Variants in CNTN6 observed in about 807,000 individuals in gnomAD.
The protein encoded by CNTN6 is contactin 6, also known as contactin-6.
CNTN6 carries 137 observed loss-of-function variants against 122.8 expected under a neutral mutation model. The ratio of observed to expected loss-of-function variants is 1.12; its 90% confidence interval spans 0.97 to 1.29. The LOEUF (loss-of-function observed/expected upper bound fraction) is 1.29. Ranked by LOEUF, CNTN6 falls within the 50% of genes most tolerant of loss-of-function variation. CNTN6 has a pLI of 0.00. For missense variants in CNTN6, 1,634 were observed against 1,223.4 expected, an observed-to-expected ratio of 1.34 and a Z score of -5.01; for synonymous variants, 570 against 426.0, an observed-to-expected ratio of 1.34 and a Z score of -4.16.
intron 2 of CNTN6, among the ~76,000 whole-genome samples, chr3:1,215,880 T>C (rs576400447): frequency 6.6e-6 from 1 of 152,292 alleles, no homozygotes; most frequent in East Asian, 1.9e-4. Flanking sequence ...ACAGGATTTA[T>C]GGCGAGTACC....
intron 11 of CNTN6, among the ~76,000 whole-genome samples, chr3:1,341,712 T>G (rs542724999): frequency 6.6e-6 from 1 of 152,194 alleles, no homozygotes; most frequent in Non-Finnish European, 1.5e-5. Flanking sequence ...GGTGACACAT[T>G]ATGATAAATT....
intron 1 of CNTN6, among the ~76,000 whole-genome samples, chr3:1,102,128 A>C (rs1416514255): frequency 6.6e-6 from 1 of 152,146 alleles, no homozygotes; most frequent in Non-Finnish European, 1.5e-5. Flanking sequence ...AACATGAATG[A>C]GCTCTCAAAA....
intron 4 of CNTN6, among the ~76,000 whole-genome samples, chr3:1,230,003 G>C (rs567220185): frequency 2.6e-5 from 4 of 152,036 alleles, no homozygotes; most frequent in African/African-American, 9.7e-5. Flanking sequence ...CATTGTATCC[G>C]GGGAGACATG....
At chr3:1,326,684 T>A (rs1013264585) in intron 9 of CNTN6, among the ~76,000 whole-genome samples, 46 of 152,048 alleles carry the variant, frequency 3.0e-4, no homozygotes, top group Admixed American at 1.8e-3. Flanking sequence ...ACTTTGCACA[T>A]GTAGGCATAG....
At chr3:1,128,303 G>A (rs1376898372) in intron 1 of CNTN6, 1 of 151,946 alleles carries the variant, frequency 6.6e-6, no homozygotes, top group African/African-American at 2.4e-5. Flanking sequence ...CACATCTGAT[G>A]ATACCCTGAG....
At chr3:1,113,387 T>C (rs1044793730) in intron 1 of CNTN6, among the ~76,000 whole-genome samples, 10 of 152,196 alleles carry the variant, frequency 6.6e-5, no homozygotes, top group African/African-American at 1.9e-4. Context: ...TCATGACTTA[T>C]TCAGTTTATG....
chr3:1,403,462 A>G lies in CNTN6; in HGVS notation c.*44A>G, dbSNP rs772157179. 64 of 1,259,852 alleles carry G rather than the reference A, an allele frequency of 5.1e-5. No homozygotes were observed. Among genetic ancestry groups the G allele is most frequent in the Non-Finnish European group, 7.2e-5 (62 of 862,540 alleles). The allele number at this position is 1,259,852 out of a possible 1,614,324, so 78.0% of individuals were successfully genotyped here. ...TTTGAGAGTTTTTTGAAAGCAAATC[A>G]TTCTGTATATATGCTCTCCAGCCTC... On this transcript the variant is annotated 3_prime_UTR_variant, in exon 23 of 23. Transcript: ENST00000446702.
At chr3:1,395,724 GATC>G (rs1219510851) in intron 20 of CNTN6, among the ~76,000 whole-genome samples, 1 of 152,154 alleles carries the variant, frequency 6.6e-6, no homozygotes, top group African/African-American at 2.4e-5. Flanking sequence ...ATTAGGATGT[GATC>G]ATGTTTTGGG....
chr3:1,383,843 C>T (rs1692325502), intron 19 of CNTN6, among the ~76,000 whole-genome samples: 1 of 152,112 alleles, frequency 6.6e-6, no homozygotes, highest in African/African-American at 2.4e-5. Context: ...TCAGAAATTT[C>T]TAGAAAAAGG....
chr3:1,102,622 G>T (rs1216038574), intron 1 of CNTN6, among the ~76,000 whole-genome samples: 1 of 150,014 alleles, frequency 6.7e-6, no homozygotes, highest in Non-Finnish European at 1.5e-5. Context: ...CAGCTACTCG[G>T]GAGGCTGAGG....
chr3:1,144,950 G>C (rs572145158), intron 1 of CNTN6, among the ~76,000 whole-genome samples: 1 of 152,114 alleles, frequency 6.6e-6, no homozygotes, highest in Non-Finnish European at 1.5e-5. Context: ...GCAGGCCTCC[G>C]GAGGATTGGG....
chr3:1,300,452 G>GAAGGA (rs1697024167), intron 7 of CNTN6, among the ~76,000 whole-genome samples: 1 of 39,702 alleles, frequency 2.5e-5, no homozygotes, highest in East Asian at 4.7e-4. Context: ...GTCAGTTCAG[G>GAAGGA]AAGGAAGGAA....
chr3:1,394,062 T>G (rs1694654524), intron 20 of CNTN6: 1 of 159,590 alleles, frequency 6.3e-6, no homozygotes, highest in South Asian at 1.6e-4. Context: ...CACACAGCAA[T>G]GAAGGGGGAC....
At position 1,193,158 on chromosome 3, in the gene CNTN6, G is replaced by A. The variant is rs1469309758; in HGVS notation, c.56-27529G>A. On this transcript the variant is annotated intron_variant, in intron 2 of 22. Transcript: ENST00000446702. Reference sequence around the variant, plus strand: ...AAAGTCCTGCAATTAACCAAATTAAGCGCAGGTTAACACAATCAGGTTTTG... The same window carrying A: ...AAAGTCCTGCAATTAACCAAATTAAACGCAGGTTAACACAATCAGGTTTTG... 3.3e-5 allele frequency among the ~76,000 whole-genome samples: 5 copies of A among 152,158 alleles called. No homozygotes were observed. In the East Asian group the frequency reaches 9.6e-4, roughly 29 times the overall value.
chr3:1,395,053 T>C (rs548302149), intron 20 of CNTN6, among the ~76,000 whole-genome samples: 1 of 152,282 alleles, frequency 6.6e-6, no homozygotes, highest in South Asian at 2.1e-4. Flanking sequence ...CTAGTTTCAA[T>C]AGCTCTTAAA....
At chr3:1,268,355 C>T (rs1210719834) in intron 4 of CNTN6, among the ~76,000 whole-genome samples, 1 of 152,120 alleles carries the variant, frequency 6.6e-6, no homozygotes, top group Non-Finnish European at 1.5e-5. Flanking sequence ...CGCTTGTAAT[C>T]CCAGCACTTT....
intron 4 of CNTN6, among the ~76,000 whole-genome samples, chr3:1,247,210 T>C (rs542305706): frequency 2.6e-5 from 4 of 152,164 alleles, no homozygotes; most frequent in Admixed American, 2.0e-4. Flanking sequence ...ATTGGTTCAA[T>C]ATACAATTTT....
intron 4 of CNTN6, among the ~76,000 whole-genome samples, chr3:1,244,936 G>C (rs2094539926): frequency 1.3e-5 from 2 of 150,490 alleles, no homozygotes; most frequent in South Asian, 2.1e-4. Context: ...ACATTGATCA[G>C]TTAGGATGGG....
At chr3:1,241,590 C>T (rs1008868305) in intron 4 of CNTN6, among the ~76,000 whole-genome samples, 1 of 152,092 alleles carries the variant, frequency 6.6e-6, no homozygotes, top group African/African-American at 2.4e-5. Context: ...TGGGAGGACC[C>T]AGGACATCCA....
Sources: gnomAD v4.1 joint callset for allele counts (sites outside exome capture counted in the v4.1 genomes callset) on GRCh38, gnomAD v4.1.1 for gene constraint, MANE v1.5 for transcripts, NCBI Gene and HGNC (gene_info 2026-07-23, HGNC 2026-07-21) for gene names.